GRIN2C: variants seen among roughly 807,000 people sequenced by gnomAD.
GRIN2C encodes glutamate receptor ionotropic, NMDA 2C.
GRIN2C carries 64 observed loss-of-function variants against 77.7 expected under a neutral mutation model. The ratio of observed to expected loss-of-function variants is 0.82; its 90% CI spans 0.67 to 1.01. The LOEUF is 1.01. GRIN2C is among the 50% of genes least tolerant of loss of function. The pLI, the probability that GRIN2C is intolerant of heterozygous loss-of-function variation, is 0.00. For missense variants in GRIN2C, 1,549 were observed against 1,486.0 expected (o/e 1.04, Z -0.70); for synonymous variants, 792 against 643.4 (o/e 1.23, Z -3.49).
chr17:74,842,372 C>G lies in GRIN2C; in HGVS notation c.*63G>C. On this transcript the variant is annotated 3_prime_UTR_variant, in exon 13 of 13. Transcript: ENST00000293190. ...GCCAGAAAAGCCCAATCCTGCCTGCCGCTTAACCCTGACAGTGGCAGGCAG... is the reference window on the plus strand; with the variant it reads ...GCCAGAAAAGCCCAATCCTGCCTGCGGCTTAACCCTGACAGTGGCAGGCAG... 3 of 717,256 alleles carry G rather than the reference C, an allele frequency of 4.2e-6. No homozygotes were observed. 44.4% of individuals were successfully genotyped at this position (717,256 alleles called of 1,614,324 possible).
At position 74,852,383 on chromosome 17, in the gene GRIN2C, C is replaced by A; in HGVS notation, c.628G>T (p.Ala210Ser). Residue 210 changes from alanine (A) to serine (S), a missense_variant, in exon 3 of 13, where the codon GCG (alanine) becomes TCG (serine). Around this residue, in one of 3 missense-constraint regions of GRIN2C, gnomAD observed 382 missense variants for 360.0 expected, o/e 1.06. Coordinates refer to ENST00000293190, the MANE Select transcript of GRIN2C (RefSeq NM_000835.6). ...TGGCGCAGCAGGCGCTGCGTGCGCGCGCGCGGCCCTCCCGGGCCCAGCTCC... is the reference window on the plus strand; with the variant it reads ...TGGCGCAGCAGGCGCTGCGTGCGCGAGCGCGGCCCTCCCGGGCCCAGCTCC... ...TLELGPGGPR[A>S]RTQRLLRQLD... 2 of 1,441,336 alleles carry A rather than the reference C, an allele frequency of 1.4e-6. No homozygotes were observed. The allele number at this position is 1,441,336 out of a possible 1,614,324, so 89.3% of individuals were successfully genotyped here.
At position 74,843,298 on chromosome 17, in the gene GRIN2C, G is replaced by T; in HGVS notation, c.2839C>A (p.Pro947Thr). 8.5e-7 allele frequency: 1 copy of T among 1,177,064 alleles called. No homozygotes were observed. The highest frequency in any genetic ancestry group is 1.1e-6 in the Non-Finnish European group (1 of 878,936). 72.9% of individuals were successfully genotyped at this position (1,177,064 alleles called of 1,614,324 possible). A position where few individuals can be genotyped will look rare whatever the true frequency, so the allele number is the denominator to read the frequency against. The change falls in exon 13 of 13, where the codon CCC becomes ACC. Residue 947 changes from proline (P) to threonine (T), a missense_variant. Pro to Thr is a conservative substitution (Grantham distance 38). This residue lies in a region of GRIN2C where 450 missense variants were observed against 267.9 expected (regional missense o/e 1.68). Coordinates refer to ENST00000293190, the MANE Select transcript of GRIN2C (RefSeq NM_000835.6). ...GGCTCTGGGGGCGGGTCGGGGGTGG[G>T]CAGGCATGGGCTGGGGCCAGACCGC... ...TPRSGPSPCL[P>T]TPDPPPEPSP...
rs540947885 is a variant in GRIN2C, at chr17:74,842,968, G to C, written c.3169C>G (p.Pro1057Ala). The C allele has an allele frequency of 4.8e-4, 258 of 533,028 alleles. No homozygotes were observed. The highest frequency in any genetic ancestry group is 4.3e-3 in the African/African-American group (206 of 48,062). 33.0% of individuals were successfully genotyped at this position (533,028 alleles called of 1,614,324 possible). ...PELEDLPLLG[P>A]EQLARREALL... ...GCCTCCCGCCGGGCCAGCTGCTCCG[G>C]ACCGAGCAGCGGCAGGTCCTCCAGC... The change falls in exon 13 of 13, where the codon CCG becomes GCG. Residue 1057 changes from proline to alanine, a missense_variant. By Grantham distance (27) the Pro-to-Ala change is conservative. Transcript: ENST00000293190.
chr17:74,852,642 G>GA, intron 2 of GRIN2C, 31 bp from the exon 3 acceptor site: 4 of 1,081,256 alleles, frequency 3.7e-6, no homozygotes, highest in Non-Finnish European at 3.7e-6. Context: ...AGCGGGGCGG[G>GA]AGGGCCGAGC....
At chr17:74,852,726 G>T in intron 2 of GRIN2C, 115 bp from the exon 3 acceptor site, 2 of 506,884 alleles carry the variant, frequency 3.9e-6, no homozygotes, top group Non-Finnish European at 6.6e-6. Context: ...CGGATGCTCC[G>T]CATTCCGGGA....
chr17:74,847,094 A>G lies in GRIN2C; in HGVS notation c.2002-174T>C, dbSNP rs2037480714. On this transcript the variant is annotated intron_variant, in intron 9 of 12. Transcript: ENST00000293190. This position sits in a 1 kb window ranked among gnomAD's most constrained non-coding sequence, Gnocchi z 5.2. ...TTCCAAATGGAGACTCTGAGGCCCA[A>G]GACAGGGAGAGACTTACCCAAGGCC... is the stretch of plus-strand genomic sequence containing the variant. 4.0e-6 allele frequency: 3 copies of G among 754,240 alleles called. No homozygotes were observed. Among genetic ancestry groups the G allele is most frequent in the Non-Finnish European group, 6.3e-6 (3 of 474,958 alleles). The allele number at this position is 754,240 out of a possible 1,614,324, so 46.7% of individuals were successfully genotyped here.
At position 74,843,192 on chromosome 17, in the gene GRIN2C, G is replaced by C. The variant is rs2037350267; in HGVS notation, c.2945C>G (p.Pro982Arg). 4 of 424,322 alleles carry C rather than the reference G, an allele frequency of 9.4e-6. No individual in the cohort carries two copies. Among genetic ancestry groups the C allele is most frequent in the Non-Finnish European group, 1.6e-5 (4 of 250,768 alleles). 26.3% of individuals were successfully genotyped at this position (424,322 alleles called of 1,614,324 possible). A position where few individuals can be genotyped will look rare whatever the true frequency, so the allele number is the denominator to read the frequency against. The part of the protein sequence containing the change: ...RRAPQPPGRP[P>R]TPGPPLSDVS... ...GTCGGACAGGGGCGGCCCCGGCGTC[G>C]GGGGGCGGCCCGGGGGCTGCGGAGC... Residue 982 changes from proline to arginine, a missense_variant, in exon 13 of 13, where the codon CCG becomes CGG. Physicochemically the swap from Pro to Arg is moderately radical, Grantham distance 103 (BLOSUM62 -2). Coordinates refer to ENST00000293190, the MANE Select transcript of GRIN2C (RefSeq NM_000835.6).
In GRIN2C at chr17:74,842,243, C is replaced by T; in HGVS notation, c.*192G>A. On this transcript the variant is annotated 3_prime_UTR_variant, in exon 13 of 13. Coordinates refer to ENST00000293190, the MANE Select transcript of GRIN2C (RefSeq NM_000835.6). ...AGAACTCTGCGTGAGAAGAGGACAG[C>T]AAAAGCCCAGCCCTCACCATGATTT... 1.8e-6 allele frequency: 1 copy of T among 553,024 alleles called. No individual in the cohort carries two copies. 34.3% of individuals were successfully genotyped at this position (553,024 alleles called of 1,614,324 possible).
Position 74,850,288 on chromosome 17 carries a change from T to G in GRIN2C, c.1409A>C (p.Lys470Thr). 2.5e-6 allele frequency: 4 copies of G among 1,613,872 alleles called. No individual in the cohort carries two copies. In the South Asian group the frequency reaches 4.4e-5, roughly 18 times the overall value. The change falls in exon 6 of 13, where the codon AAA (lysine) becomes ACA (threonine). Residue 470 changes from lysine (K) to threonine (T), a missense_variant. Around this residue, in one of 3 missense-constraint regions of GRIN2C, gnomAD observed 717 missense variants for 858.1 expected, o/e 0.84. Transcript: ENST00000293190. The surrounding 1 kb of genome is among the most constrained non-coding windows in gnomAD (Gnocchi z 5.3). ...DILKKLARVVKFSYDLYLVTN... is the reference protein window; with the variant it reads ...DILKKLARVVTFSYDLYLVTN... ...CACCAGGTACAGGTCGTAGGAGAAT[T>G]TGACCACTCTGGCCAGCTTCTTGAG... is the stretch of plus-strand genomic sequence containing the variant.
chr17:74,848,002 G>A, intron 7 of GRIN2C, 25 bp from the exon 8 acceptor site: 1 of 1,613,594 alleles, frequency 6.2e-7, no homozygotes. Context: ...AGGCAGCTCA[G>A]AGGCCTCGGC....
rs1487504378 is a variant in GRIN2C at position 74,849,160 on chromosome 17, A to G, written c.1645+620T>C. 6.6e-6 allele frequency among the ~76,000 whole-genome samples: 1 copy of G among 151,820 alleles called. No individual in the cohort carries two copies. Among genetic ancestry groups the G allele is most frequent in the African/African-American group, 2.4e-5 (1 of 41,298 alleles). On this transcript the variant is annotated intron_variant, in intron 7 of 12. Transcript: ENST00000293190. This position sits in a 1 kb window ranked among gnomAD's most constrained non-coding sequence, Gnocchi z 4.6. ...TCTTCCGTGGCTGAGGAGCCTGCTC[A>G]GAGAGGTTCTGTGACTTGCCCGAGG...
At chr17:74,861,160 C>T (rs565206618), upstream of GRIN2C, among the ~76,000 whole-genome samples, 2 of 152,312 alleles carry the variant, frequency 1.3e-5, no homozygotes, top group Non-Finnish European at 2.9e-5. Context: ...GGACGCTTCG[C>T]CCGCGTCCTT....
At chr17:74,860,835 G>C (rs554144258), upstream of GRIN2C, 1 of 286,844 alleles carries the variant, frequency 3.5e-6, no homozygotes, top group East Asian at 1.2e-4. Flanking sequence ...GGGAAGAAGC[G>C]GGACTCGCGG....
At chr17:74,844,840 A>G (rs2037408386) in intron 11 of GRIN2C, among the ~76,000 whole-genome samples, 1 of 152,168 alleles carries the variant, frequency 6.6e-6, no homozygotes, top group South Asian at 2.1e-4. Context: ...ATACTTATTA[A>G]CCATCTACAT....
In GRIN2C at chr17:74,850,429, GC is replaced by G; in HGVS notation, c.1326-59del. ...TCAGAGTATGTCGTGGCCCAGCCCC[GC>G]CCCAGCCACTCCTCCAGCCTGGCAC... On this transcript the variant is annotated intron_variant, in intron 5 of 12. Transcript: ENST00000293190. The surrounding 1 kb of genome is among the most constrained non-coding windows in gnomAD (Gnocchi z 5.3). 2 of 1,585,660 alleles carry G rather than the reference GC, an allele frequency of 1.3e-6. No homozygotes were observed. The highest frequency in any genetic ancestry group is 8.6e-7 in the Non-Finnish European group (1 of 1,165,132).
chr17:74,855,059 T>G lies in GRIN2C; in HGVS notation c.34A>C (p.Thr12Pro), dbSNP rs2037780836. 6.3e-7 allele frequency: 1 copy of G among 1,595,516 alleles called. No individual in the cohort carries two copies. Among genetic ancestry groups the G allele is most frequent in the African/African-American group, 1.3e-5 (1 of 74,402 alleles). The part of the protein sequence containing the change: ...GGALGPALLL[T>P]SLFGAWAGLG... ...CCTGCCCAGGCACCGAAGAGCGAGG[T>G]GAGCAACAGGGCCGGCCCCAGGGCC... The change falls in exon 2 of 13, where the codon ACC becomes CCC. Residue 12 changes from threonine to proline, a missense_variant. By Grantham distance (38) the Thr-to-Pro change is conservative. This residue lies in a region of GRIN2C where 382 missense variants were observed against 360.0 expected (regional missense o/e 1.06). Coordinates refer to ENST00000293190, the MANE Select transcript of GRIN2C (RefSeq NM_000835.6).
At position 74,857,616 on chromosome 17, in the gene GRIN2C, G is replaced by A. The variant is rs2037851444; in HGVS notation, c.-16+2128C>T. On this transcript the variant is annotated intron_variant, in intron 1 of 12. Coordinates refer to ENST00000293190, the MANE Select transcript of GRIN2C (RefSeq NM_000835.6). ...TTGTCGCTCCCCTTGCACGGCCTCT[G>A]TCTGCTCACCTCTGCCCACACCTCC... is the stretch of plus-strand genomic sequence containing the variant. Among the ~76,000 whole-genome samples, 3 of 152,192 alleles carry A rather than the reference G, an allele frequency of 2.0e-5. No individual in the cohort carries two copies. The South Asian group carries it at 6.2e-4, about 32-fold the overall frequency.
At position 74,850,573 on chromosome 17, in the gene GRIN2C, C is replaced by T. The variant is rs1301900772; in HGVS notation, c.1308G>A (p.Gln436=). The change falls in exon 5 of 13, where the codon CAG becomes CAA. Residue 436 remains glutamine, a synonymous_variant. Coordinates refer to ENST00000293190, the MANE Select transcript of GRIN2C (RefSeq NM_000835.6). This position sits in a 1 kb window ranked among gnomAD's most constrained non-coding sequence, Gnocchi z 5.3. The stretch of plus-strand genomic sequence containing the variant: ...CCACAGACCTGAAGGTGTGGTTGCT[C>T]TGCCTGCGGCAGGGCACGGTGTTGG... ...CVPNTVPCRR[Q]SNHTFSSGDV... 5 of 1,613,536 alleles carry T rather than the reference C, an allele frequency of 3.1e-6. No homozygotes were observed. Among genetic ancestry groups the T allele is most frequent in the South Asian group, 1.1e-5 (1 of 91,086 alleles).
At chr17:74,845,267 T>C (rs1267720133) in intron 11 of GRIN2C, among the ~76,000 whole-genome samples, 1 of 146,594 alleles carries the variant, frequency 6.8e-6, no homozygotes, top group Non-Finnish European at 1.5e-5. Flanking sequence ...TCAGATTTTT[T>C]TTTTTTTTTT....
Sources: gnomAD v4.1 joint callset for allele counts (sites outside exome capture counted in the v4.1 genomes callset) on GRCh38, gnomAD v4.1.1 for gene constraint, gnomAD v4.1.1 regional missense constraint, Gnocchi (gnomAD v3.1) non-coding constraint, MANE v1.5 for transcripts, NCBI Gene and HGNC (gene_info 2026-07-23, HGNC 2026-07-21) for gene names.